Variants in KIF26B observed in about 807,000 individuals in gnomAD.
KIF26B encodes the protein kinesin family member 26B.
In KIF26B, 63 loss-of-function variants were observed where a neutral mutation model predicts 151.2. The ratio of observed to expected loss-of-function variants is 0.42; its 90% CI spans 0.34 to 0.51. The LOEUF (loss-of-function observed/expected upper bound fraction) is 0.51, where lower values mean the gene tolerates loss of function less well. Ranked by LOEUF, KIF26B falls within the 20% of genes least tolerant of loss-of-function variation. The pLI is 0.07. For missense variants in KIF26B, 2,813 were observed against 2,913.6 expected, an observed-to-expected ratio of 0.97 and a Z score of 0.79; for synonymous variants, 1,357 against 1,262.1, an observed-to-expected ratio of 1.08 and a Z score of -1.59.
chr1:245,413,039 T>C (rs547060653), intron 3 of KIF26B, among the ~76,000 whole-genome samples: 28 of 152,114 alleles, frequency 1.8e-4, no homozygotes, highest in Non-Finnish European at 4.0e-4. Context: ...AGGAGTGAAA[T>C]GGTCCCCTGT....
intron 2 of KIF26B, among the ~76,000 whole-genome samples, chr1:245,246,932 C>T (rs1040217632): frequency 6.7e-6 from 1 of 148,836 alleles, no homozygotes; most frequent in Non-Finnish European, 1.5e-5. Flanking sequence ...CAGACACAGA[C>T]ACACACAGAT....
chr1:245,432,261 G>A (rs1658799360), intron 4 of KIF26B, among the ~76,000 whole-genome samples: 1 of 152,168 alleles, frequency 6.6e-6, no homozygotes, highest in African/African-American at 2.4e-5. Flanking sequence ...TTCCCACTCA[G>A]TTCAAACCAC....
Position 245,156,509 on chromosome 1 carries a change from G to C in KIF26B, c.291G>C (p.Pro97=). ...PASPGIGTSS[P]GSLGGSPGFG... ...CCCCCGGCATCGGCACTAGTTCGCCGGGCTCCTTGGGCGGCTCTCCGGGCT... is the reference window on the plus strand; with the variant it reads ...CCCCCGGCATCGGCACTAGTTCGCCCGGCTCCTTGGGCGGCTCTCCGGGCT... The change falls in exon 2 of 15, where the codon CCG becomes CCC. Residue 97 remains proline, a synonymous_variant. Coordinates refer to ENST00000407071, the MANE Select transcript of KIF26B (RefSeq NM_018012.4). The C allele has an allele frequency of 6.5e-7, 1 of 1,530,862 alleles. No homozygotes were observed. The highest frequency in any genetic ancestry group is 8.7e-7 in the Non-Finnish European group (1 of 1,143,322). 94.8% of individuals were successfully genotyped at this position (1,530,862 alleles called of 1,614,324 possible).
chr1:245,314,160 T>C (rs760976926), intron 2 of KIF26B, among the ~76,000 whole-genome samples: 9 of 152,122 alleles, frequency 5.9e-5, no homozygotes, highest in Non-Finnish European at 1.0e-4. Flanking sequence ...TAAAAACTTA[T>C]ATTCAGGCGG....
intron 14 of KIF26B, among the ~76,000 whole-genome samples, chr1:245,700,659 G>A (rs1162107486): frequency 6.6e-6 from 1 of 152,194 alleles, no homozygotes; most frequent in Non-Finnish European, 1.5e-5. Context: ...ATAAAAAACA[G>A]GAGGCATTTC....
intron 2 of KIF26B, among the ~76,000 whole-genome samples, chr1:245,199,817 A>C (rs945241324): frequency 6.2e-5 from 1 of 16,166 alleles, no homozygotes; most frequent in African/African-American, 1.1e-4. Flanking sequence ...CCATCTGTCC[A>C]TCCATCCATC....
chr1:245,701,350 C>T (rs1300660628), intron 14 of KIF26B, among the ~76,000 whole-genome samples: 1 of 152,170 alleles, frequency 6.6e-6, no homozygotes. Flanking sequence ...ATTCTGATGC[C>T]ACTTTTAAGG....
At chr1:245,236,251 G>T (rs972875254) in intron 2 of KIF26B, among the ~76,000 whole-genome samples, 1 of 152,098 alleles carries the variant, frequency 6.6e-6, no homozygotes, top group Non-Finnish European at 1.5e-5. Flanking sequence ...TGACCAAGGT[G>T]TATACAGGTA....
At position 245,699,031 on chromosome 1, in the gene KIF26B, A is replaced by G. The variant is rs1012393187; in HGVS notation, c.6172A>G (p.Ser2058Gly). Residue 2058 changes from serine to glycine, a missense_variant, in exon 14 of 15, where the codon AGT (serine) becomes GGT (glycine). Ser to Gly is a moderately conservative substitution (Grantham distance 56). This residue lies in a region of KIF26B where 2,060 missense variants were observed against 2,088.6 expected (regional missense o/e 0.99). Transcript: ENST00000407071. ...GATGCTGGATCCCAACAAGTGGCTCAGTGAATGTAAGGCCGGGGTGCCTTC... is the reference window on the plus strand; with the variant it reads ...GATGCTGGATCCCAACAAGTGGCTCGGTGAATGTAAGGCCGGGGTGCCTTC... ...YLMLDPNKWL[S>G]EFDLEQVWEL... 3.7e-6 allele frequency: 6 copies of G among 1,613,474 alleles called. No homozygotes were observed. The highest frequency in any genetic ancestry group is 1.3e-5 in the African/African-American group (1 of 74,934).
intron 4 of KIF26B, among the ~76,000 whole-genome samples, chr1:245,492,181 T>C (rs1660421916): frequency 6.6e-6 from 1 of 152,204 alleles, no homozygotes; most frequent in Non-Finnish European, 1.5e-5. Context: ...CTTGTTCCTC[T>C]GAACCCTTGA....
intron 2 of KIF26B, among the ~76,000 whole-genome samples, chr1:245,347,323 T>C (rs914252147): frequency 6.6e-6 from 1 of 151,704 alleles, no homozygotes; most frequent in African/African-American, 2.4e-5. Flanking sequence ...CTTTCTTTCT[T>C]TTTTTTTAGA....
chr1:245,663,288 T>TC (rs2044177459), intron 10 of KIF26B, among the ~76,000 whole-genome samples: 3 of 148,036 alleles, frequency 2.0e-5, no homozygotes. Flanking sequence ...ATTTTTTTTT[T>TC]CTTATAGTTT....
Position 245,602,236 on chromosome 1 carries a change from A to G in KIF26B, c.1351-341A>G, listed in dbSNP as rs1376530645. Among the ~76,000 whole-genome samples the G allele has an allele frequency of 6.6e-6, 1 of 152,156 alleles. No homozygotes were observed. Among genetic ancestry groups the G allele is most frequent in the Non-Finnish European group, 1.5e-5 (1 of 68,030 alleles). On this transcript the variant is annotated intron_variant, in intron 5 of 14. Transcript: ENST00000407071. The surrounding 1 kb of genome is among the most constrained non-coding windows in gnomAD (Gnocchi z 4.5). ...CTTCAAGGAAACTGCACCAGCCCCT[A>G]TAGTTTGGCAGTCCAGACTACCTTT...
At chr1:245,582,238 G>T (rs1383505468) in intron 5 of KIF26B, among the ~76,000 whole-genome samples, 1 of 152,164 alleles carries the variant, frequency 6.6e-6, no homozygotes, top group Non-Finnish European at 1.5e-5. Flanking sequence ...CCCGTCAAGG[G>T]GGTCATTGTG....
intron 2 of KIF26B, among the ~76,000 whole-genome samples, chr1:245,157,645 C>T (rs978543056): frequency 7.2e-5 from 11 of 152,196 alleles, no homozygotes; most frequent in Non-Finnish European, 1.3e-4. Flanking sequence ...CCCACAGACG[C>T]TGTGAAACTT....
At chr1:245,593,615 A>G (rs1427016164) in intron 5 of KIF26B, among the ~76,000 whole-genome samples, 1 of 151,846 alleles carries the variant, frequency 6.6e-6, no homozygotes, top group Non-Finnish European at 1.5e-5. Flanking sequence ...TATTGTGAAC[A>G]GTGCCACAAT....
At chr1:245,261,544 T>C (rs1670645821) in intron 2 of KIF26B, among the ~76,000 whole-genome samples, 2 of 126,470 alleles carry the variant, frequency 1.6e-5, no homozygotes, top group African/African-American at 5.8e-5. Flanking sequence ...TCTCCCCCTC[T>C]CTCCCTCCCT....
At chr1:245,670,881 C>G (rs1483605106) in intron 10 of KIF26B, among the ~76,000 whole-genome samples, 33 of 152,118 alleles carry the variant, frequency 2.2e-4, no homozygotes, top group Admixed American at 2.0e-3. Context: ...CTTTTAGGTA[C>G]TTAAAAACGT....
At chr1:245,648,830 A>C (rs923316400) in intron 10 of KIF26B, among the ~76,000 whole-genome samples, 1 of 152,096 alleles carries the variant, frequency 6.6e-6, no homozygotes, top group Non-Finnish European at 1.5e-5. Flanking sequence ...GAGAGTGATC[A>C]TTAAAGTGTT....
Sources: gnomAD v4.1 joint callset for allele counts (sites outside exome capture counted in the v4.1 genomes callset) on GRCh38, gnomAD v4.1.1 for gene constraint, gnomAD v4.1.1 regional missense constraint, Gnocchi (gnomAD v3.1) non-coding constraint, MANE v1.5 for transcripts, NCBI Gene and HGNC (gene_info 2026-07-23, HGNC 2026-07-21) for gene names.